The following SAMD4A variants were observed in gnomAD, a reference collection of about 807,000 sequenced individuals.
The protein encoded by SAMD4A is protein Smaug homolog 1.
SAMD4A carries 33 observed loss-of-function variants against 81.3 expected under a neutral mutation model. The observed-to-expected ratio is 0.41, with a 90% confidence interval of 0.31 to 0.54. SAMD4A has a LOEUF of 0.54. Ranked by LOEUF, SAMD4A falls within the 20% of genes least tolerant of loss-of-function variation. The pLI, the probability that SAMD4A is intolerant of heterozygous loss-of-function variation, is 0.37. For missense variants in SAMD4A, 854 were observed against 951.1 expected, an observed-to-expected ratio of 0.90 and a Z score of 1.34; for synonymous variants, 389 against 382.1, an observed-to-expected ratio of 1.02 and a Z score of -0.21.
intron 3 of SAMD4A, among the ~76,000 whole-genome samples, chr14:54,728,343 G>A (rs1316241506): frequency 6.6e-6 from 1 of 152,184 alleles, no homozygotes; most frequent in East Asian, 1.9e-4. Flanking sequence ...GTAAGGTTGT[G>A]ATGGTTTAGA....
At chr14:54,763,795 G>A (rs7150566) in intron 7 of SAMD4A, among the ~76,000 whole-genome samples, 13,777 of 152,202 alleles carry the variant, frequency 0.091, 1,620 homozygotes, top group African/African-American at 0.27. Context: ...TAACATGGCC[G>A]TGAGAAACCT....
chr14:54,627,959 G>A (rs1334953603), intron 2 of SAMD4A, among the ~76,000 whole-genome samples: 1 of 151,976 alleles, frequency 6.6e-6, no homozygotes, highest in African/African-American at 2.4e-5. Context: ...TTTTGTCAAT[G>A]GTTGGAAATT....
chr14:54,784,240 G>A, intron 11 of SAMD4A: 1 of 867,784 alleles, frequency 1.2e-6, no homozygotes, highest in Non-Finnish European at 1.9e-6. Context: ...CAGGGCAGGA[G>A]GTTGGCTGTT....
chr14:54,780,625 AT>A (rs1275852350), intron 11 of SAMD4A, among the ~76,000 whole-genome samples: 1 of 152,170 alleles, frequency 6.6e-6, no homozygotes. Flanking sequence ...TGATAAATAA[AT>A]CAATTCTGTC....
intron 3 of SAMD4A, among the ~76,000 whole-genome samples, chr14:54,728,778 A>G (rs183494784): frequency 1.3e-5 from 2 of 152,336 alleles, no homozygotes; most frequent in East Asian, 3.9e-4. Flanking sequence ...AGAAAAAAAT[A>G]CTGTTTGATC....
At chr14:54,770,764 A>G (rs1175947854) in intron 9 of SAMD4A, among the ~76,000 whole-genome samples, 1 of 152,246 alleles carries the variant, frequency 6.6e-6, no homozygotes, top group African/African-American at 2.4e-5. Flanking sequence ...GCAGTTAAAA[A>G]TAAGCCTGGT....
intron 2 of SAMD4A, among the ~76,000 whole-genome samples, chr14:54,636,272 T>A (rs901547120): frequency 6.6e-6 from 1 of 152,072 alleles, no homozygotes; most frequent in Non-Finnish European, 1.5e-5. Context: ...TAGGTTGGGA[T>A]GTACGAGGAG....
chr14:54,739,520 A>C (rs1027324579), intron 4 of SAMD4A, among the ~76,000 whole-genome samples: 3 of 13,724 alleles, frequency 2.2e-4, no homozygotes, highest in African/African-American at 4.9e-4. Flanking sequence ...TTAAATGGCA[A>C]AAAAAAAAAA....
chr14:54,568,337 C>A (rs1323440305), intron 2 of SAMD4A, among the ~76,000 whole-genome samples: 1 of 151,940 alleles, frequency 6.6e-6, no homozygotes, highest in Non-Finnish European at 1.5e-5. Flanking sequence ...CCACTGTGAA[C>A]TCCGTCAGCC....
chr14:54,648,641 G>A (rs1016005413), intron 2 of SAMD4A, among the ~76,000 whole-genome samples: 1 of 152,176 alleles, frequency 6.6e-6, no homozygotes, highest in South Asian at 2.1e-4. Flanking sequence ...GGAATGGATT[G>A]AACAAGGCAG....
chr14:54,638,870 C>T (rs78818922), intron 2 of SAMD4A, among the ~76,000 whole-genome samples: 17,007 of 152,234 alleles, frequency 0.11, 1,062 homozygotes, highest in Middle Eastern at 0.16. Context: ...AGTGGACATT[C>T]GGCAGTTAGT....
intron 2 of SAMD4A, among the ~76,000 whole-genome samples, chr14:54,679,054 AT>A (rs771853238): frequency 6.6e-6 from 1 of 152,328 alleles, no homozygotes; most frequent in Admixed American, 6.5e-5. Context: ...TTGAACACTT[AT>A]GTTTTATTGA....
rs781076138 is a variant in SAMD4A at position 54,775,037 on chromosome 14, C to A, written c.1819C>A (p.Pro607Thr). Residue 607 changes from proline to threonine, a missense_variant, in exon 10 of 13, where the codon CCT becomes ACT. By Grantham distance (38) the Pro-to-Thr change is conservative (BLOSUM62 -1). This residue lies in a region of SAMD4A where 428 missense variants were observed against 471.2 expected (regional missense o/e 0.91). Coordinates refer to ENST00000554335, the MANE Select transcript of SAMD4A (RefSeq NM_015589.6). Reference sequence around the variant, plus strand: ...GTACCAGATCCCCTCTCGGAACGTCCCTTCCGCCCGCCTGGGCCTCTTGGG... The same window carrying A: ...GTACCAGATCCCCTCTCGGAACGTCACTTCCGCCCGCCTGGGCCTCTTGGG... ...RQYQIPSRNV[P>T]SARLGLLGTS... 1 of 1,614,202 alleles carries A rather than the reference C, an allele frequency of 6.2e-7. No homozygotes were observed.
chr14:54,626,973 C>T (rs991593971), intron 2 of SAMD4A, among the ~76,000 whole-genome samples: 64 of 152,318 alleles, frequency 4.2e-4, no homozygotes, highest in African/African-American at 1.5e-3. Flanking sequence ...CTGGAGTCTT[C>T]TGACTCTTGC....
At chr14:54,681,175 T>TCCAGCCCC (rs1191587959) in intron 2 of SAMD4A, among the ~76,000 whole-genome samples, 1 of 74,876 alleles carries the variant, frequency 1.3e-5, no homozygotes, top group Non-Finnish European at 2.7e-5. Context: ...AGACCCCCCC[T>TCCAGCCCC]CCAGCCCCCC....
In SAMD4A at chr14:54,792,088, A is replaced by T. The variant is rs1005520124; in HGVS notation, c.*3144A>T. ...TTTATTCATAGTGGCTTCTTACCAGAAACAGTAGGAAGAAACACATGAACT... is the reference window on the plus strand; with the variant it reads ...TTTATTCATAGTGGCTTCTTACCAGTAACAGTAGGAAGAAACACATGAACT... On this transcript the variant is annotated 3_prime_UTR_variant, in exon 13 of 13. Coordinates refer to ENST00000554335, the MANE Select transcript of SAMD4A (RefSeq NM_015589.6). 12 of 152,236 alleles carry T rather than the reference A, an allele frequency of 7.9e-5. No individual in the cohort carries two copies. Among genetic ancestry groups the T allele is most frequent in the Non-Finnish European group, 1.2e-4 (8 of 68,054 alleles). 9.4% of individuals were successfully genotyped at this position (152,236 alleles called of 1,614,324 possible).
At chr14:54,578,356 A>AAG (rs576438626) in intron 2 of SAMD4A, among the ~76,000 whole-genome samples, 30 of 151,544 alleles carry the variant, frequency 2.0e-4, no homozygotes, top group South Asian at 8.3e-4. Flanking sequence ...GCAGAGGAGA[A>AAG]AGAGAGAGAG....
At chr14:54,757,652 G>T (rs565629277) in intron 6 of SAMD4A, among the ~76,000 whole-genome samples, 2 of 152,204 alleles carry the variant, frequency 1.3e-5, no homozygotes, top group East Asian at 3.8e-4. Context: ...GACAGCAGCT[G>T]CATGGGATGG....
At chr14:54,738,718 G>C (rs1371273788) in intron 4 of SAMD4A, among the ~76,000 whole-genome samples, 1 of 152,230 alleles carries the variant, frequency 6.6e-6, no homozygotes. Flanking sequence ...ATGCGTAGCA[G>C]GTGAGGCTCA....
Sources: gnomAD v4.1 joint callset for allele counts (sites outside exome capture counted in the v4.1 genomes callset) on GRCh38, gnomAD v4.1.1 for gene constraint, gnomAD v4.1.1 regional missense constraint, MANE v1.5 for transcripts, NCBI Gene and HGNC (gene_info 2026-07-23, HGNC 2026-07-21) for gene names.